The following TMPRSS7 variants were observed in gnomAD, a reference collection of about 807,000 sequenced individuals.
TMPRSS7 encodes transmembrane protease serine 7.
In TMPRSS7, 81 loss-of-function variants were observed where a neutral mutation model predicts 95.6. The observed-to-expected ratio is 0.85, with a 90% confidence interval of 0.71 to 1.02. The LOEUF is 1.02. Among genes scored for constraint, TMPRSS7 ranks in the 50% least tolerant of loss-of-function variants. The pLI is 0.00. For synonymous variants in TMPRSS7, 364 were observed against 337.8 expected (o/e 1.08, Z -0.85); for missense variants, 945 against 955.2 (o/e 0.99, Z 0.14).
intron 9 of TMPRSS7, among the ~76,000 whole-genome samples, chr3:112,055,376 A>T (rs990915058): frequency 2.0e-5 from 3 of 151,922 alleles, no homozygotes; most frequent in Non-Finnish European, 4.4e-5. Context: ...TGCCTGATTC[A>T]TTCTCCCTCA....
intron 7 of TMPRSS7, 150 bp from the exon 8 acceptor site, chr3:112,049,694 T>C (rs1055147565): frequency 1.4e-5 from 8 of 554,622 alleles, no homozygotes; most frequent in South Asian, 4.9e-5. Context: ...TGGCTACTAA[T>C]GGATGAGGAT....
At chr3:112,051,668 C>CTATCTATCTATCTATCTATCTATCTATCT (rs61097993) in intron 9 of TMPRSS7, among the ~76,000 whole-genome samples, 3 of 128,076 alleles carry the variant, frequency 2.3e-5, no homozygotes, top group South Asian at 2.8e-4. Context: ...ATCTATCTAT[C>CTATCTATCTATCTATCTATCTATCTATCT]ATCTATCTAT....
intron 17 of TMPRSS7, among the ~76,000 whole-genome samples, chr3:112,080,535 C>T (rs1165073734): frequency 7.6e-6 from 1 of 132,312 alleles, no homozygotes; most frequent in East Asian, 2.2e-4. Context: ...CTCACTACTA[C>T]TACTACTACT....
At chr3:112,050,613 G>A (rs2073334633) in intron 8 of TMPRSS7, 58 bp from the exon 9 acceptor site, 1 of 757,876 alleles carries the variant, frequency 1.3e-6, no homozygotes, top group African/African-American at 1.8e-5. Context: ...TGTATGAAGT[G>A]TATTTTCCAT....
In TMPRSS7 at chr3:112,043,564, G is replaced by A. The variant is rs1329038117; in HGVS notation, c.430-691G>A. The stretch of plus-strand genomic sequence containing the variant: ...TCCACTACACTTCATAATTTCTAAG[G>A]GTTAAATTTTTTTGTTTTTAAATCT... On this transcript the variant is annotated intron_variant, in intron 3 of 17. Transcript: ENST00000452346. Among the ~76,000 whole-genome samples, 4 of 152,194 alleles carry A rather than the reference G, an allele frequency of 2.6e-5. No homozygotes were observed. The South Asian group carries it at 6.2e-4, about 24-fold the overall frequency.
At chr3:112,075,244 C>G in intron 14 of TMPRSS7, 77 bp from the exon 15 acceptor site, 1 of 1,351,246 alleles carries the variant, frequency 7.4e-7, no homozygotes, top group Middle Eastern at 2.0e-4. Context: ...CAGTTCCCAG[C>G]CAGCACTAAA....
At chr3:112,061,343 G>C (rs893389725) in intron 10 of TMPRSS7, among the ~76,000 whole-genome samples, 2 of 152,176 alleles carry the variant, frequency 1.3e-5, no homozygotes, top group Non-Finnish European at 2.9e-5. Context: ...TTTCAATTTA[G>C]ACTGAAATAA....
intron 2 of TMPRSS7, among the ~76,000 whole-genome samples, chr3:112,041,552 T>C (rs780977767): frequency 3.9e-5 from 6 of 152,206 alleles, no homozygotes; most frequent in Admixed American, 1.3e-4. Flanking sequence ...CATTAGGGGC[T>C]GAGGAATCAA....
In TMPRSS7 at chr3:112,045,730, T is replaced by G. The variant is rs1030137324; in HGVS notation, c.498-20T>G. The G allele has an allele frequency of 1.3e-6, 2 of 1,534,650 alleles. No homozygotes were observed. The highest frequency in any genetic ancestry group is 2.8e-5 in the African/African-American group (2 of 72,472). On this transcript the variant is annotated intron_variant, in intron 4 of 17. Transcript: ENST00000452346. ...TAAAGTCCTATGAGGTCCCTGATGA[T>G]CTCTCTTTTTTCGTTATAGCAGCAA...
intron 12 of TMPRSS7, among the ~76,000 whole-genome samples, chr3:112,064,686 T>C (rs889844160): frequency 6.6e-6 from 1 of 152,198 alleles, no homozygotes; most frequent in African/African-American, 2.4e-5. Flanking sequence ...AGTTTTGTTG[T>C]TATTTTTCTA....
At position 112,045,629 on chromosome 3, in the gene TMPRSS7, G is replaced by A. The variant is rs556654847; in HGVS notation, c.498-121G>A. On this transcript the variant is annotated intron_variant, in intron 4 of 17. Coordinates refer to ENST00000452346, the Ensembl canonical transcript of TMPRSS7. ...TAACAGACGTCAATGACTACCTAAA[G>A]AAGGGAGCTAGCTTCAGTTGAAGGA... 6.0e-5 allele frequency: 55 copies of A among 914,354 alleles called. 1 individual carries two copies. Among genetic ancestry groups the A allele is most frequent in the Non-Finnish European group, 6.9e-5 (42 of 611,570 alleles). The allele number at this position is 914,354 out of a possible 1,614,324, so 56.6% of individuals were successfully genotyped here.
chr3:112,067,453 A>G (rs1380270943), intron 13 of TMPRSS7, among the ~76,000 whole-genome samples: 3 of 152,218 alleles, frequency 2.0e-5, no homozygotes, highest in Non-Finnish European at 1.5e-5. Flanking sequence ...CCAACAGTGT[A>G]AAAGCATTCC....
intron 13 of TMPRSS7, among the ~76,000 whole-genome samples, chr3:112,073,998 G>A (rs139218066): frequency 2.9e-4 from 44 of 152,360 alleles, no homozygotes; most frequent in Admixed American, 4.6e-4. Flanking sequence ...AGAGGCTGCA[G>A]CCTAAAGCCA....
intron 12 of TMPRSS7, 104 bp downstream of exon 12, chr3:112,063,736 T>G: frequency 6.2e-6 from 6 of 967,604 alleles, no homozygotes; most frequent in Non-Finnish European, 9.7e-6. Flanking sequence ...TATTATCTAT[T>G]ACTGCATAAC....
chr3:112,069,466 T>C (rs1394798468), intron 13 of TMPRSS7, among the ~76,000 whole-genome samples: 1 of 152,234 alleles, frequency 6.6e-6, no homozygotes, highest in Non-Finnish European at 1.5e-5. Context: ...GGAATTTTTT[T>C]GGTTGGTAGG....
intron 7 of TMPRSS7, among the ~76,000 whole-genome samples, chr3:112,049,056 C>G (rs977769131): frequency 2.0e-5 from 3 of 152,136 alleles, no homozygotes; most frequent in Non-Finnish European, 2.9e-5. Flanking sequence ...ACAACCCTGC[C>G]GCTTCCGCCA....
At chr3:112,060,144 G>A (rs1426534951) in intron 10 of TMPRSS7, among the ~76,000 whole-genome samples, 5 of 152,184 alleles carry the variant, frequency 3.3e-5, no homozygotes, top group African/African-American at 1.2e-4. Context: ...AGGGGAGGGA[G>A]TGTACGAATA....
intron 9 of TMPRSS7, among the ~76,000 whole-genome samples, chr3:112,052,350 G>T (rs2073375321): frequency 6.6e-6 from 1 of 151,946 alleles, no homozygotes; most frequent in Non-Finnish European, 1.5e-5. Flanking sequence ...GAGGCAGGAG[G>T]GTGCTTGATG....
chr3:112,036,396 G>A (rs9856777), intron 1 of TMPRSS7, among the ~76,000 whole-genome samples: 40,256 of 151,964 alleles, frequency 0.26, 5,838 homozygotes, highest in Middle Eastern at 0.37. Flanking sequence ...TGGTGAAACC[G>A]CATCTCTACT....
Sources: gnomAD v4.1 joint callset for allele counts (sites outside exome capture counted in the v4.1 genomes callset) on GRCh38, gnomAD v4.1.1 for gene constraint, MANE v1.5 for transcripts, NCBI Gene and HGNC (gene_info 2026-07-23, HGNC 2026-07-21) for gene names.